Variants in TENM3 observed in about 807,000 individuals in gnomAD.
TENM3 encodes the protein teneurin transmembrane protein 3.
Under a neutral mutation model 255.1 loss-of-function variants are expected in TENM3, and 63 were observed. That is an observed-to-expected ratio of 0.25 (90% CI 0.20 to 0.30). The LOEUF (loss-of-function observed/expected upper bound fraction) is 0.30. Ranked by LOEUF, TENM3 falls within the 10% of genes least tolerant of loss-of-function variation. The pLI is 1.00. For synonymous variants in TENM3, 1,306 were observed against 1,322.3 expected (o/e 0.99, Z 0.27); for missense variants, 2,929 against 3,461.1 (o/e 0.85, Z 3.86).
intron 3 of TENM3, among the ~76,000 whole-genome samples, chr4:182,507,366 C>T (rs1736946094): frequency 1.3e-5 from 2 of 152,144 alleles, no homozygotes; most frequent in African/African-American, 4.8e-5. Context: ...GTACATCTGC[C>T]CTTATGCCAT....
the TENM3 span, among the ~76,000 whole-genome samples, chr4:181,779,260 G>GTTAT: frequency 0.076 from 10,755 of 141,208 alleles, 617 homozygotes; most frequent in African/African-American, 0.16. Context: ...TTTACTTTAA[G>GTTAT]TTATTTATTT....
the TENM3 span, chr4:181,976,091 A>G: frequency 6.6e-6 from 1 of 152,112 alleles, no homozygotes; most frequent in Non-Finnish European, 1.5e-5. Context: ...TCATATTGGG[A>G]TTAGGCCTAC....
chr4:182,481,235 A>T (rs1316957478), intron 3 of TENM3, among the ~76,000 whole-genome samples: 1 of 152,152 alleles, frequency 6.6e-6, no homozygotes, highest in Non-Finnish European at 1.5e-5. Context: ...TGTAACAATA[A>T]ACAAGGAGTT....
intron 3 of TENM3, among the ~76,000 whole-genome samples, chr4:182,527,716 G>GTT (rs1739353627): frequency 6.8e-6 from 1 of 147,842 alleles, no homozygotes; most frequent in Non-Finnish European, 1.5e-5. Flanking sequence ...TGTTTTTTTT[G>GTT]GTTGTTGTTG....
chr4:182,761,376 G>C (rs1299807139), intron 22 of TENM3, among the ~76,000 whole-genome samples: 2 of 151,984 alleles, frequency 1.3e-5, no homozygotes, highest in Admixed American at 6.6e-5. Context: ...CCAAGATCAC[G>C]CCACTGCACT....
At chr4:181,459,002 C>T in the TENM3 span, among the ~76,000 whole-genome samples, 1,350 of 152,002 alleles carry the variant, frequency 8.9e-3, 24 homozygotes, top group African/African-American at 0.031. Context: ...TGCCTTAGCA[C>T]TTGGCATTTG....
At chr4:182,755,708 CG>C (rs1253224126) in intron 22 of TENM3, among the ~76,000 whole-genome samples, 1 of 151,978 alleles carries the variant, frequency 6.6e-6, no homozygotes, top group Non-Finnish European at 1.5e-5. Context: ...GGCGTGGTGG[CG>C]GGCGCCTGTA....
At chr4:182,144,737 G>A (rs1161521746) in exon 1 of TENM3, 2 of 146,906 alleles carry the variant, frequency 1.4e-5, no homozygotes, top group Non-Finnish European at 3.0e-5. Flanking sequence ...AGCCGGCGGC[G>A]CGGGCGAGCC....
intron 3 of TENM3, among the ~76,000 whole-genome samples, chr4:182,347,428 T>C (rs1764900007): frequency 6.6e-6 from 1 of 152,180 alleles, no homozygotes; most frequent in Non-Finnish European, 1.5e-5. Context: ...CTCTAGTGAT[T>C]GAAGAACAAA....
At chr4:182,446,333 TA>T (rs1362604083) in intron 3 of TENM3, among the ~76,000 whole-genome samples, 2 of 152,226 alleles carry the variant, frequency 1.3e-5, no homozygotes, top group East Asian at 3.9e-4. Context: ...AACCTGTATG[TA>T]ATACTTATAT....
At chr4:182,635,030 A>G (rs916294716) in intron 5 of TENM3, among the ~76,000 whole-genome samples, 5 of 152,320 alleles carry the variant, frequency 3.3e-5, no homozygotes, top group East Asian at 1.9e-4. Flanking sequence ...ACTTCAAATA[A>G]CACCGTTATA....
chr4:182,018,672 T>C, the TENM3 span, among the ~76,000 whole-genome samples: 1 of 152,356 alleles, frequency 6.6e-6, no homozygotes, highest in Non-Finnish European at 1.5e-5. Flanking sequence ...ATTCCTTACA[T>C]GCTTTACAAA....
intron 1 of TENM3, among the ~76,000 whole-genome samples, chr4:182,264,825 A>G (rs1239706479): frequency 7.2e-5 from 11 of 152,214 alleles, no homozygotes; most frequent in African/African-American, 2.2e-4. Context: ...AAAGAGCACT[A>G]TGGTTAAAAG....
the TENM3 span, among the ~76,000 whole-genome samples, chr4:181,703,263 A>T: frequency 6.6e-6 from 1 of 152,202 alleles, no homozygotes; most frequent in Non-Finnish European, 1.5e-5. Context: ...TTGCATAGAA[A>T]TGGCAGGATC....
the TENM3 span, among the ~76,000 whole-genome samples, chr4:181,973,662 G>A: frequency 2.0e-5 from 3 of 152,178 alleles, no homozygotes; most frequent in Non-Finnish European, 4.4e-5. Context: ...TCAGGAAGCT[G>A]AGGCAAGAGG....
the TENM3 span, among the ~76,000 whole-genome samples, chr4:181,621,914 A>G: frequency 6.6e-6 from 1 of 152,208 alleles, no homozygotes; most frequent in Non-Finnish European, 1.5e-5. Flanking sequence ...GGCGAGTATC[A>G]TTCTCTTTCT....
At chr4:181,498,644 G>C in the TENM3 span, among the ~76,000 whole-genome samples, 1 of 152,280 alleles carries the variant, frequency 6.6e-6, no homozygotes. Flanking sequence ...CGTCTAATAG[G>C]ATGCAGTTAC....
chr4:181,528,839 A>G, the TENM3 span, among the ~76,000 whole-genome samples: 1 of 152,148 alleles, frequency 6.6e-6, no homozygotes, highest in East Asian at 1.9e-4. Flanking sequence ...AGGAAGAAAA[A>G]GGCAGAAATG....
At chr4:181,859,379 T>C in the TENM3 span, among the ~76,000 whole-genome samples, 4 of 152,158 alleles carry the variant, frequency 2.6e-5, no homozygotes, top group Non-Finnish European at 5.9e-5. Context: ...GAAAAATTAT[T>C]CACCCTTTTC....
Sources: allele counts gnomAD v4.1 joint callset (sites outside exome capture counted in the v4.1 genomes callset), GRCh38; gene constraint gnomAD v4.1.1; transcripts MANE v1.5; gene names NCBI Gene and HGNC (gene_info 2026-07-23, HGNC 2026-07-21).